GRIK1: variants seen among roughly 807,000 people sequenced by gnomAD.
The protein encoded by GRIK1 is glutamate receptor ionotropic, kainate 1.
A neutral mutation model predicts 105.7 loss-of-function variants in GRIK1; 69 were observed. The ratio of observed to expected loss-of-function variants is 0.65; its 90% CI spans 0.54 to 0.80. GRIK1 has a LOEUF of 0.80. GRIK1 is among the 30% of genes least tolerant of loss of function. The pLI, the probability that GRIK1 is intolerant of heterozygous loss-of-function variation, is 0.00. For synonymous variants in GRIK1, 438 were observed against 431.3 expected, an observed-to-expected ratio of 1.02 and a Z score of -0.19; for missense variants, 1,109 against 1,167.3, an observed-to-expected ratio of 0.95 and a Z score of 0.73.
intron 1 of GRIK1, among the ~76,000 whole-genome samples, chr21:29,852,320 C>G (rs540257962): frequency 6.6e-6 from 1 of 152,236 alleles, no homozygotes; most frequent in African/African-American, 2.4e-5. Flanking sequence ...CTATTCACAT[C>G]TGAGTAACTT....
At chr21:29,844,582 A>C (rs1292107844) in intron 1 of GRIK1, among the ~76,000 whole-genome samples, 4 of 152,220 alleles carry the variant, frequency 2.6e-5, no homozygotes, top group Non-Finnish European at 4.4e-5. Context: ...ATTTAAGGAA[A>C]ATATAACAAA....
intron 1 of GRIK1, among the ~76,000 whole-genome samples, chr21:29,854,216 C>T (rs547637437): frequency 6.6e-6 from 1 of 152,100 alleles, no homozygotes; most frequent in East Asian, 1.9e-4. Context: ...GAGAGAGAAG[C>T]GAGTGGGGCT....
intron 1 of GRIK1, among the ~76,000 whole-genome samples, chr21:29,806,531 C>T (rs946784465): frequency 2.6e-5 from 4 of 152,210 alleles, no homozygotes; most frequent in Middle Eastern, 3.4e-3. Flanking sequence ...GCCTTATCAA[C>T]TCTAAATGTA....
intron 1 of GRIK1, among the ~76,000 whole-genome samples, chr21:29,736,531 G>A (rs1601564491): frequency 6.6e-6 from 1 of 151,562 alleles, no homozygotes; most frequent in East Asian, 2.0e-4. Flanking sequence ...ACCTGGTCCT[G>A]AAAATTAGTA....
intron 1 of GRIK1, among the ~76,000 whole-genome samples, chr21:29,877,873 C>G (rs191388775): frequency 2.6e-4 from 39 of 152,162 alleles, no homozygotes; most frequent in Admixed American, 2.4e-3. Flanking sequence ...TCTCCATGCT[C>G]CCCAATCGAG....
In GRIK1 at chr21:29,591,240, G is replaced by A. The variant is rs774400637; in HGVS notation, c.1252-15C>T. Reference sequence around the variant, plus strand: ...CAAATCCCAATCTACACAGAACACAGTACATCAGAGGCTGCTGGCTGTCAG... The same window carrying A: ...CAAATCCCAATCTACACAGAACACAATACATCAGAGGCTGCTGGCTGTCAG... On this transcript the variant is annotated splice_polypyrimidine_tract_variant and intron_variant, in intron 9 of 17. Transcript: ENST00000327783. 7 of 1,397,372 alleles carry A rather than the reference G, an allele frequency of 5.0e-6. No homozygotes were observed. In the East Asian group the frequency reaches 1.6e-4, roughly 32 times the overall value. The allele number at this position is 1,397,372 out of a possible 1,614,324, so 86.6% of individuals were successfully genotyped here.
chr21:29,698,200 A>G (rs969779272), intron 1 of GRIK1, among the ~76,000 whole-genome samples: 1 of 152,054 alleles, frequency 6.6e-6, no homozygotes, highest in African/African-American at 2.4e-5. Flanking sequence ...CATTGGTTTG[A>G]GATGAGAAAT....
intron 1 of GRIK1, among the ~76,000 whole-genome samples, chr21:29,723,526 A>G (rs2064377309): frequency 6.6e-6 from 1 of 152,256 alleles, no homozygotes; most frequent in African/African-American, 2.4e-5. Flanking sequence ...TGAAACAAAT[A>G]GATAAACAGA....
At chr21:29,916,511 C>A (rs1602041064) in intron 1 of GRIK1, among the ~76,000 whole-genome samples, 1 of 151,836 alleles carries the variant, frequency 6.6e-6, no homozygotes, top group East Asian at 1.9e-4. Flanking sequence ...TAGAGGATAA[C>A]ACCTTCTAAA....
chr21:29,842,807 G>A (rs1265864212), intron 1 of GRIK1, among the ~76,000 whole-genome samples: 2 of 152,098 alleles, frequency 1.3e-5, no homozygotes, highest in African/African-American at 2.4e-5. Flanking sequence ...AATACAGCAC[G>A]AATGTTGATG....
intron 1 of GRIK1, among the ~76,000 whole-genome samples, chr21:29,900,660 G>A (rs1239084684): frequency 6.6e-6 from 1 of 152,114 alleles, no homozygotes; most frequent in Admixed American, 6.6e-5. Flanking sequence ...GACATACAAA[G>A]AGACTTAGAC....
At chr21:29,895,126 C>G (rs2070086014) in intron 1 of GRIK1, among the ~76,000 whole-genome samples, 1 of 151,976 alleles carries the variant, frequency 6.6e-6, no homozygotes, top group African/African-American at 2.4e-5. Context: ...TATTGACAAG[C>G]CTTGGAGTTA....
At chr21:29,579,457 C>A (rs1432021609) in intron 13 of GRIK1, among the ~76,000 whole-genome samples, 1 of 152,096 alleles carries the variant, frequency 6.6e-6, no homozygotes, top group African/African-American at 2.4e-5. Context: ...TCTTTAGTGC[C>A]TTTTACGGCA....
intron 1 of GRIK1, among the ~76,000 whole-genome samples, chr21:29,774,242 A>G (rs746861026): frequency 6.6e-6 from 1 of 152,182 alleles, no homozygotes; most frequent in South Asian, 2.1e-4. Context: ...CCAGCAACCT[A>G]CTTTTCTTTC....
intron 1 of GRIK1, among the ~76,000 whole-genome samples, chr21:29,838,319 A>G (rs1422356061): frequency 1.3e-5 from 2 of 152,208 alleles, no homozygotes; most frequent in Non-Finnish European, 2.9e-5. Context: ...AACTATGAAG[A>G]GTACTAAAGC....
intron 16 of GRIK1, among the ~76,000 whole-genome samples, chr21:29,549,667 GAA>G (rs938140018): frequency 6.7e-6 from 1 of 149,910 alleles, no homozygotes; most frequent in African/African-American, 2.5e-5. Flanking sequence ...CATAAAGCTT[GAA>G]AAAAAAATTG....
At chr21:29,726,106 G>C (rs905090149) in intron 1 of GRIK1, among the ~76,000 whole-genome samples, 1 of 152,160 alleles carries the variant, frequency 6.6e-6, no homozygotes, top group African/African-American at 2.4e-5. Flanking sequence ...CCTGTCATGA[G>C]GAAGAGGAAA....
chr21:29,874,135 T>C (rs1444590775), intron 1 of GRIK1, among the ~76,000 whole-genome samples: 2 of 152,168 alleles, frequency 1.3e-5, no homozygotes, highest in Non-Finnish European at 1.5e-5. Context: ...TGAGGCCCAG[T>C]TCCTAATAGG....
chr21:29,549,359 A>G (rs1438712557), intron 16 of GRIK1, among the ~76,000 whole-genome samples: 1 of 152,228 alleles, frequency 6.6e-6, no homozygotes, highest in Non-Finnish European at 1.5e-5. Flanking sequence ...AAAAAATGTA[A>G]GAAAAGCTAT....
Sources: gnomAD v4.1 joint callset for allele counts (sites outside exome capture counted in the v4.1 genomes callset) on GRCh38, gnomAD v4.1.1 for gene constraint, MANE v1.5 for transcripts, NCBI Gene and HGNC (gene_info 2026-07-23, HGNC 2026-07-21) for gene names.